Variants in FHIT observed in about 807,000 individuals in gnomAD.
The protein encoded by FHIT is fragile histidine triad diadenosine triphosphatase, also known as bis(5'-adenosyl)-triphosphatase.
FHIT carries 19 observed loss-of-function variants against 17.9 expected under a neutral mutation model. The observed-to-expected ratio is 1.06, with a 90% confidence interval of 0.74 to 1.56. The LOEUF (loss-of-function observed/expected upper bound fraction) is 1.56. FHIT is among the 40% of genes most tolerant of loss of function. The pLI, the probability that FHIT is intolerant of heterozygous loss-of-function variation, is 0.00. For synonymous variants in FHIT, 81 were observed against 69.7 expected (o/e 1.16, Z -0.81); for missense variants, 248 against 189.2 (o/e 1.31, Z -1.82).
chr3:60,114,102 A>G (rs1704836034), intron 5 of FHIT, among the ~76,000 whole-genome samples: 1 of 137,104 alleles, frequency 7.3e-6, no homozygotes, highest in Admixed American at 7.6e-5. Context: ...CACAATTAAG[A>G]AACAAAAATA....
At chr3:59,914,629 T>C (rs1425229325) in intron 8 of FHIT, among the ~76,000 whole-genome samples, 1 of 152,184 alleles carries the variant, frequency 6.6e-6, no homozygotes, top group Non-Finnish European at 1.5e-5. Context: ...ATCTTCTGTT[T>C]CCCCCTAATT....
intron 5 of FHIT, among the ~76,000 whole-genome samples, chr3:60,335,706 T>A (rs1411273901): frequency 6.6e-6 from 1 of 152,146 alleles, no homozygotes; most frequent in South Asian, 2.1e-4. Flanking sequence ...CCTCTTGTTT[T>A]TATATTGACC....
intron 8 of FHIT, among the ~76,000 whole-genome samples, chr3:59,803,149 C>G (rs568202913): frequency 6.6e-6 from 1 of 152,242 alleles, no homozygotes; most frequent in African/African-American, 2.4e-5. Context: ...CATTTAAAAG[C>G]TGGCAAAACA....
intron 8 of FHIT, among the ~76,000 whole-genome samples, chr3:59,907,081 T>C (rs1704617782): frequency 6.6e-6 from 1 of 152,172 alleles, no homozygotes; most frequent in African/African-American, 2.4e-5. Flanking sequence ...CCTCTCAGTT[T>C]GAAGGGAAAC....
intron 4 of FHIT, among the ~76,000 whole-genome samples, chr3:60,650,172 A>T (rs1553687911): frequency 6.6e-6 from 1 of 152,212 alleles, no homozygotes; most frequent in East Asian, 1.9e-4. Context: ...AAGTGGATGT[A>T]AAAGTATTAA....
chr3:60,533,237 T>C (rs1022418), intron 5 of FHIT, among the ~76,000 whole-genome samples: 100,150 of 152,020 alleles, frequency 0.66, 33,350 homozygotes, highest in Non-Finnish European at 0.71. Context: ...AAAAAAGTGG[T>C]GACAAGACTT....
intron 5 of FHIT, among the ~76,000 whole-genome samples, chr3:60,163,140 G>C (rs112669642): frequency 1.3e-5 from 2 of 151,976 alleles, no homozygotes; most frequent in African/African-American, 2.4e-5. Flanking sequence ...CTGCCCTATG[G>C]CCCGTAAGAT....
rs534842943 is a variant in FHIT at position 59,896,117 on chromosome 3, T to G, written c.348+26229A>C. Among the ~76,000 whole-genome samples the G allele has an allele frequency of 7.2e-5, 11 of 152,310 alleles. No homozygotes were observed. In the South Asian group the frequency reaches 2.3e-3, roughly 32 times the overall value. ...ATGAGGCACAATCTGAGAGCTTTAT[T>G]TGCTCATTTACGCTTGTACACTGGC... On this transcript the variant is annotated intron_variant, in intron 8 of 9. Transcript: ENST00000492590.
chr3:60,188,201 T>A (rs375609251), intron 5 of FHIT, among the ~76,000 whole-genome samples: 19 of 93,690 alleles, frequency 2.0e-4, no homozygotes, highest in Admixed American at 4.1e-4. Context: ...TCTTGACAGT[T>A]TCTTTCTTTT....
chr3:60,299,482 A>G (rs993756691), intron 5 of FHIT, among the ~76,000 whole-genome samples: 1 of 152,100 alleles, frequency 6.6e-6, no homozygotes, highest in Non-Finnish European at 1.5e-5. Flanking sequence ...TTCACTAGAC[A>G]TAGAATTCTA....
intron 4 of FHIT, among the ~76,000 whole-genome samples, chr3:60,587,196 T>C (rs138910468): frequency 0.035 from 5,313 of 152,068 alleles, 305 homozygotes; most frequent in African/African-American, 0.12. Context: ...ATAATGTCAT[T>C]TGCAGGGACG....
intron 5 of FHIT, among the ~76,000 whole-genome samples, chr3:60,326,295 C>T (rs1378908827): frequency 2.0e-5 from 3 of 152,024 alleles, no homozygotes; most frequent in Admixed American, 2.0e-4. Flanking sequence ...GAGTCCTGAG[C>T]TTGTATTCTT....
intron 5 of FHIT, among the ~76,000 whole-genome samples, chr3:60,440,437 T>C (rs2030695003): frequency 1.3e-5 from 2 of 152,214 alleles, no homozygotes; most frequent in South Asian, 4.2e-4. Context: ...TCATACCAAA[T>C]AATAACATTC....
At chr3:60,950,060 T>C (rs2107454077) in intron 3 of FHIT, among the ~76,000 whole-genome samples, 1 of 152,350 alleles carries the variant, frequency 6.6e-6, no homozygotes, top group African/African-American at 2.4e-5. Flanking sequence ...GTAGTTGTCA[T>C]AAAGTCATTG....
intron 7 of FHIT, among the ~76,000 whole-genome samples, chr3:59,993,164 G>A (rs1168623299): frequency 6.6e-6 from 1 of 151,966 alleles, no homozygotes; most frequent in Non-Finnish European, 1.5e-5. Context: ...CAAAATCCAT[G>A]GTGTTTGCTT....
At chr3:59,939,009 C>A (rs929413136) in intron 7 of FHIT, among the ~76,000 whole-genome samples, 2 of 152,098 alleles carry the variant, frequency 1.3e-5, no homozygotes, top group Admixed American at 6.6e-5. Flanking sequence ...ATTTATGGGG[C>A]CCTGTCTGGT....
At chr3:59,825,526 C>T (rs1266890818) in intron 8 of FHIT, among the ~76,000 whole-genome samples, 1 of 152,170 alleles carries the variant, frequency 6.6e-6, no homozygotes, top group African/African-American at 2.4e-5. Context: ...GAACATTAGC[C>T]ACATCTGTCC....
chr3:60,208,292 G>C (rs1703293332), intron 5 of FHIT, among the ~76,000 whole-genome samples: 1 of 152,156 alleles, frequency 6.6e-6, no homozygotes, highest in Non-Finnish European at 1.5e-5. Context: ...CTTATTAAAA[G>C]ATGCAGGCTT....
chr3:61,048,266 A>C (rs2033889630), intron 2 of FHIT, among the ~76,000 whole-genome samples: 1 of 152,238 alleles, frequency 6.6e-6, no homozygotes, highest in Non-Finnish European at 1.5e-5. Flanking sequence ...CCAAGAACTT[A>C]AACAAATTTA....
Sources: allele counts gnomAD v4.1 joint callset (sites outside exome capture counted in the v4.1 genomes callset), GRCh38; gene constraint gnomAD v4.1.1; transcripts MANE v1.5; gene names NCBI Gene and HGNC (gene_info 2026-07-23, HGNC 2026-07-21).